The following TBC1D5 variants were observed in gnomAD, a reference collection of about 807,000 sequenced individuals.
TBC1D5 encodes TBC1 domain family, member 5.
A neutral mutation model predicts 100.3 loss-of-function variants in TBC1D5; 75 were observed. The ratio of observed to expected loss-of-function variants is 0.75; its 90% CI spans 0.62 to 0.91. The LOEUF is 0.91. Ranked by LOEUF, TBC1D5 falls within the 40% of genes least tolerant of loss-of-function variation. The pLI is 0.00. For synonymous variants in TBC1D5, 323 were observed against 325.6 expected, an observed-to-expected ratio of 0.99 and a Z score of 0.09; for missense variants, 910 against 942.4, an observed-to-expected ratio of 0.97 and a Z score of 0.45.
intron 3 of TBC1D5, among the ~76,000 whole-genome samples, chr3:17,438,687 G>A (rs1264570303): frequency 6.6e-6 from 1 of 152,098 alleles, no homozygotes. Flanking sequence ...TGTGAGCACA[G>A]ACTAATACAT....
intron 17 of TBC1D5, 68 bp from the exon 18 acceptor site, chr3:17,233,818 T>C (rs1454660146): frequency 1.0e-5 from 10 of 954,556 alleles, no homozygotes; most frequent in African/African-American, 1.7e-5. Context: ...TTTTCTTTTA[T>C]ACTGAATGTT....
chr3:17,201,199 T>G (rs1209662300), intron 18 of TBC1D5, among the ~76,000 whole-genome samples: 1 of 152,136 alleles, frequency 6.6e-6, no homozygotes, highest in Non-Finnish European at 1.5e-5. Context: ...GCCTTTAATT[T>G]AATTTACTCC....
At chr3:17,432,431 T>C (rs1466539490) in intron 3 of TBC1D5, among the ~76,000 whole-genome samples, 2 of 152,192 alleles carry the variant, frequency 1.3e-5, no homozygotes, top group African/African-American at 2.4e-5. Context: ...CTCAGCATTA[T>C]CCATAAAGTA....
intron 19 of TBC1D5, among the ~76,000 whole-genome samples, chr3:17,176,915 G>A (rs1222349415): frequency 6.6e-6 from 1 of 152,148 alleles, no homozygotes; most frequent in Non-Finnish European, 1.5e-5. Context: ...CCTAAGTGAG[G>A]ATATCCTTAG....
chr3:17,537,438 G>A (rs1444015261), intron 2 of TBC1D5, among the ~76,000 whole-genome samples: 1 of 152,190 alleles, frequency 6.6e-6, no homozygotes, highest in African/African-American at 2.4e-5. Context: ...AATCATGATG[G>A]AGAATTCAGT....
chr3:17,249,504 T>A (rs2077011666), intron 16 of TBC1D5, among the ~76,000 whole-genome samples: 1 of 152,202 alleles, frequency 6.6e-6, no homozygotes. Context: ...GTCTGGATCA[T>A]GGGGGTGTAC....
chr3:17,308,123 C>T lies in TBC1D5; in HGVS notation c.1007G>A (p.Arg336Gln), dbSNP rs375749909. Residue 336 changes from arginine to glutamine, a missense_variant, in exon 14 of 22, where the codon CGG (arginine) becomes CAG (glutamine). Transcript: ENST00000253692. ...GGGGAACTCTCGTCCAAATAGCAGC[C>T]GCACCCACCTTCTGGAAAGAAACAA... 9.9e-5 allele frequency: 157 copies of T among 1,579,486 alleles called. No individual in the cohort carries two copies. Among genetic ancestry groups the T allele is most frequent in the Non-Finnish European group, 1.3e-4 (156 of 1,171,042 alleles).
intron 14 of TBC1D5, among the ~76,000 whole-genome samples, chr3:17,305,340 C>T (rs931313105): frequency 6.6e-6 from 1 of 152,110 alleles, no homozygotes; most frequent in Non-Finnish European, 1.5e-5. Context: ...CCATATGTAC[C>T]CACCTTAGGT....
chr3:17,627,025 G>A (rs1421294034), intron 1 of TBC1D5, among the ~76,000 whole-genome samples: 1 of 152,158 alleles, frequency 6.6e-6, no homozygotes, highest in Non-Finnish European at 1.5e-5. Context: ...ACAGATTTGA[G>A]GACAGCAGGG....
chr3:17,220,612 G>C (rs1208015248), intron 17 of TBC1D5, among the ~76,000 whole-genome samples: 1 of 152,022 alleles, frequency 6.6e-6, no homozygotes, highest in Admixed American at 6.6e-5. Context: ...TAATATAGTG[G>C]AATATAATTT....
At chr3:17,637,706 T>TA (rs1457733469) in intron 1 of TBC1D5, among the ~76,000 whole-genome samples, 1 of 152,072 alleles carries the variant, frequency 6.6e-6, no homozygotes, top group African/African-American at 2.4e-5. Flanking sequence ...CTGATAAAGA[T>TA]AAAAAACACT....
At chr3:17,161,281 G>GAT in intron 21 of TBC1D5, 25 bp from the exon 23 acceptor site, 1 of 1,579,612 alleles carries the variant, frequency 6.3e-7, no homozygotes, top group African/African-American at 1.4e-5. Flanking sequence ...CAGAAGTACA[G>GAT]GTGGATGAAA....
intron 13 of TBC1D5, among the ~76,000 whole-genome samples, chr3:17,312,901 T>C (rs2084215499): frequency 6.6e-6 from 1 of 152,196 alleles, no homozygotes; most frequent in South Asian, 2.1e-4. Context: ...GACCATAATA[T>C]GACATGCTTT....
rs1156677047 is a variant in TBC1D5, at chr3:17,395,779, T to C, written c.509+7402A>G. On this transcript the variant is annotated intron_variant, in intron 8 of 21. Transcript: ENST00000253692. Reference sequence around the variant, plus strand: ...GGTGCTAATGAAAGCACTGCAACTATATTTTCATTAAAATACTGAAAAAAA... The same window carrying C: ...GGTGCTAATGAAAGCACTGCAACTACATTTTCATTAAAATACTGAAAAAAA... Among the ~76,000 whole-genome samples, 5 of 152,122 alleles carry C rather than the reference T, an allele frequency of 3.3e-5. No individual in the cohort carries two copies. In the East Asian group the frequency reaches 9.6e-4, roughly 29 times the overall value.
At chr3:17,433,754 C>A (rs2094485711) in intron 3 of TBC1D5, among the ~76,000 whole-genome samples, 1 of 152,122 alleles carries the variant, frequency 6.6e-6, no homozygotes, top group South Asian at 2.1e-4. Flanking sequence ...AAGTCCAAGT[C>A]CAAGGTCTTA....
chr3:17,683,517 T>TCAAAAGAA (rs2069795456), intron 1 of TBC1D5, among the ~76,000 whole-genome samples: 2 of 146,682 alleles, frequency 1.4e-5, no homozygotes, highest in African/African-American at 5.5e-5. Flanking sequence ...GATGACTAAA[T>TCAAAAGAA]GTTATACAAA....
chr3:17,325,004 C>T (rs1203574729), intron 13 of TBC1D5, among the ~76,000 whole-genome samples: 1 of 152,114 alleles, frequency 6.6e-6, no homozygotes, highest in Non-Finnish European at 1.5e-5. Flanking sequence ...GATGGTAATA[C>T]AAAATAGCAT....
At chr3:17,523,436 G>T (rs1386451379) in intron 2 of TBC1D5, among the ~76,000 whole-genome samples, 1 of 152,110 alleles carries the variant, frequency 6.6e-6, no homozygotes, top group Admixed American at 6.5e-5. Flanking sequence ...ACTCTGAAAG[G>T]TCAAGGGGTA....
intron 21 of TBC1D5, among the ~76,000 whole-genome samples, chr3:17,162,820 G>T (rs896693249): frequency 2.4e-4 from 36 of 152,204 alleles, no homozygotes; most frequent in Non-Finnish European, 4.3e-4. Context: ...ATTGAAAGCT[G>T]CTGGGGAATC....
Sources: gnomAD v4.1 joint callset for allele counts (sites outside exome capture counted in the v4.1 genomes callset) on GRCh38, gnomAD v4.1.1 for gene constraint, MANE v1.5 for transcripts, NCBI Gene and HGNC (gene_info 2026-07-23, HGNC 2026-07-21) for gene names.